PPP1R15B: variants seen among roughly 807,000 people sequenced by gnomAD.
PPP1R15B encodes protein phosphatase 1 regulatory subunit 15B.
PPP1R15B carries 31 observed loss-of-function variants against 53.9 expected under a neutral mutation model. The ratio of observed to expected loss-of-function variants is 0.58; its 90% CI spans 0.43 to 0.78. The LOEUF (loss-of-function observed/expected upper bound fraction) is 0.78. Ranked by LOEUF, PPP1R15B falls within the 30% of genes least tolerant of loss-of-function variation. PPP1R15B has a pLI of 0.00. For synonymous variants in PPP1R15B, 345 were observed against 329.1 expected (o/e 1.05, Z -0.52); for missense variants, 928 against 849.6 (o/e 1.09, Z -1.15).
rs1572256022 is a variant in PPP1R15B at position 204,409,492 on chromosome 1, C to CTTTTT, written c.1915_1919dup (p.Val641LysfsTer3). 1 of 1,602,712 alleles carries CTTTTT rather than the reference C, an allele frequency of 6.2e-7. No homozygotes were observed. The highest frequency in any genetic ancestry group is 1.3e-5 in the African/African-American group (1 of 74,340). On this transcript the variant is annotated frameshift_variant and splice_region_variant, in exon 1 of 2. Coordinates refer to ENST00000367188, the MANE Select transcript of PPP1R15B (RefSeq NM_032833.5). LOFTEE classifies it high-confidence loss of function. ...GCATGTTAAAAGACAAGAAACAAACCTTTTTTCTTTTGACATGTGTGTGTC... is the reference window on the plus strand; with the variant it reads ...GCATGTTAAAAGACAAGAAACAAACCTTTTTTTTTTTCTTTTGACATGTGTGTGTC...
Position 204,409,661 on chromosome 1 carries a change from C to T in PPP1R15B, c.1751G>A (p.Gly584Asp). 1 of 1,614,066 alleles carries T rather than the reference C, an allele frequency of 6.2e-7. No homozygotes were observed. The highest frequency in any genetic ancestry group is 8.5e-7 in the Non-Finnish European group (1 of 1,180,016). Residue 584 changes from glycine to aspartate, a missense_variant, in exon 1 of 2, where the codon GGC (glycine) becomes GAC (aspartate). Physicochemically the swap from Gly to Asp is moderately conservative, Grantham distance 94. Transcript: ENST00000367188. Reference sequence around the variant, plus strand: ...AGATGGGGTCTTTGAGTCACGACAGCCTTTCTCATTTTCCCCTGATGTTTG... The same window carrying T: ...AGATGGGGTCTTTGAGTCACGACAGTCTTTCTCATTTTCCCCTGATGTTTG... ...PFQTSGENEKGCRDSKTPSES... is the reference protein window; with the variant it reads ...PFQTSGENEKDCRDSKTPSES...
In PPP1R15B at chr1:204,411,211, G is replaced by C; in HGVS notation, c.201C>G (p.Leu67=). The change falls in exon 1 of 2, where the codon CTC becomes CTG. Residue 67 remains leucine, a synonymous_variant. Coordinates refer to ENST00000367188, the MANE Select transcript of PPP1R15B (RefSeq NM_032833.5). Reference sequence around the variant, plus strand: ...CGGGGAGCGGCGCAAGGAGCTGGGAGAGCAGTTTCGTCCAGTAACTGACCC... The same window carrying C: ...CGGGGAGCGGCGCAAGGAGCTGGGACAGCAGTTTCGTCCAGTAACTGACCC... ...ETRVSYWTKL[L]SQLLAPLPGL... 6.2e-7 allele frequency: 1 copy of C among 1,614,248 alleles called. No individual in the cohort carries two copies. The highest frequency in any genetic ancestry group is 2.2e-5 in the East Asian group (1 of 44,886).
Position 204,411,597 on chromosome 1 carries a change from G to A in PPP1R15B, c.-186C>T, listed in dbSNP as rs1674381646. 8 of 729,902 alleles carry A rather than the reference G, an allele frequency of 1.1e-5. No individual in the cohort carries two copies. Among genetic ancestry groups the A allele is most frequent in the African/African-American group, 3.5e-5 (2 of 56,460 alleles). 45.2% of individuals were successfully genotyped at this position (729,902 alleles called of 1,614,324 possible). On this transcript the variant is annotated 5_prime_UTR_variant, in exon 1 of 2. Coordinates refer to ENST00000367188, the MANE Select transcript of PPP1R15B (RefSeq NM_032833.5). ...ATGCGGCAGCGGGCGGCAGAACACA[G>A]GGAAGAACAGCCCGCGCAATAGGCG...
At chr1:204,401,278 TATG>T (rs778906832), downstream of PPP1R15B, among the ~76,000 whole-genome samples, 84 of 152,354 alleles carry the variant, frequency 5.5e-4, no homozygotes, top group South Asian at 4.8e-3. Context: ...GTATCCTCTT[TATG>T]ATACCGATTA....
rs1307888374 is a variant in PPP1R15B, at chr1:204,405,066, A to G, written c.*1026T>C. ...CAAACGTGAAAATTCAGAACTGCCC[A>G]TTTCCAATTTTACAGTGGGATCCTG... On this transcript the variant is annotated 3_prime_UTR_variant, in exon 2 of 2. Coordinates refer to ENST00000367188, the MANE Select transcript of PPP1R15B (RefSeq NM_032833.5). 1 of 985,720 alleles carries G rather than the reference A, an allele frequency of 1.0e-6. No individual in the cohort carries two copies. The highest frequency in any genetic ancestry group is 1.2e-6 in the Non-Finnish European group (1 of 829,894). The allele number at this position is 985,720 out of a possible 1,614,324, so 61.1% of individuals were successfully genotyped here. A position where few individuals can be genotyped will look rare whatever the true frequency, so the allele number is the denominator to read the frequency against.
At position 204,406,059 on chromosome 1, in the gene PPP1R15B, A is replaced by AGT; in HGVS notation, c.*31_*32dup. 1 of 1,607,980 alleles carries AGT rather than the reference A, an allele frequency of 6.2e-7. No homozygotes were observed. Among genetic ancestry groups the AGT allele is most frequent in the South Asian group, 1.1e-5 (1 of 90,850 alleles). On this transcript the variant is annotated 3_prime_UTR_variant, in exon 2 of 2. Transcript: ENST00000367188. ...AAAAGACACCTCTCAGGTAAGAGGTAGTGTATGCTAGCTAGGACTACAGGC... is the reference window on the plus strand; with the variant it reads ...AAAAGACACCTCTCAGGTAAGAGGTAGTGTGTATGCTAGCTAGGACTACAGGC...
intron 1 of PPP1R15B, 116 bp downstream of exon 1, chr1:204,409,376 T>C (rs963605262): frequency 7.8e-6 from 9 of 1,158,686 alleles, no homozygotes; most frequent in Non-Finnish European, 9.6e-6. Flanking sequence ...GTATATGAAT[T>C]TAGAGGCCTT....
Position 204,409,554 on chromosome 1 carries a change from G to A in PPP1R15B, c.1858C>T (p.Pro620Ser). ...AGAACGTCACGCTGTACCGAGTCTG[G>A]ACATTCACTTTCTTGGCTCCCCAAC... is the stretch of plus-strand genomic sequence containing the variant. ...QLLGSQESECPDSVQRDVLSG... is the reference protein window; with the variant it reads ...QLLGSQESECSDSVQRDVLSG... Residue 620 changes from proline to serine, a missense_variant, in exon 1 of 2, where the codon CCA becomes TCA. By Grantham distance (74) the Pro-to-Ser change is moderately conservative. Transcript: ENST00000367188. 1 of 1,614,136 alleles carries A rather than the reference G, an allele frequency of 6.2e-7. No individual in the cohort carries two copies. Among genetic ancestry groups the A allele is most frequent in the African/African-American group, 1.3e-5 (1 of 75,008 alleles).
chr1:204,401,259 G>A (rs889119871), downstream of PPP1R15B, among the ~76,000 whole-genome samples: 1 of 152,196 alleles, frequency 6.6e-6, no homozygotes, highest in Admixed American at 6.5e-5. Flanking sequence ...AGGGTTAGAA[G>A]AGATTTACGT....
At position 204,409,886 on chromosome 1, in the gene PPP1R15B, T is replaced by C; in HGVS notation, c.1526A>G (p.Asp509Gly). 1 of 1,614,092 alleles carries C rather than the reference T, an allele frequency of 6.2e-7. No individual in the cohort carries two copies. Among genetic ancestry groups the C allele is most frequent in the Non-Finnish European group, 8.5e-7 (1 of 1,180,012 alleles). The change falls in exon 1 of 2, where the codon GAT (aspartate) becomes GGT (glycine). Residue 509 changes from aspartate to glycine, a missense_variant. Asp to Gly is a moderately conservative substitution (Grantham distance 94, BLOSUM62 -1). Transcript: ENST00000367188. ...AARIVPEEPSDSEKDLSGKSD... is the reference protein window; with the variant it reads ...AARIVPEEPSGSEKDLSGKSD... ...CTTGCCAGACAAATCCTTCTCTGAATCAGAAGGCTCTTCAGGAACAATTCT... is the reference window on the plus strand; with the variant it reads ...CTTGCCAGACAAATCCTTCTCTGAACCAGAAGGCTCTTCAGGAACAATTCT...
Position 204,410,823 on chromosome 1 carries a change from T to G in PPP1R15B, c.589A>C (p.Asn197His). ...GAGGGCGAAGAGCCAAGTTCCCGGT[T>G]AGAGTACAGACGGGATTGAAGGCTA... ...PSSLQSRLYSNRELGSSPSGP... is the reference protein window; with the variant it reads ...PSSLQSRLYSHRELGSSPSGP... The change falls in exon 1 of 2, where the codon AAC becomes CAC. Residue 197 changes from asparagine to histidine, a missense_variant. Physicochemically the swap from Asn to His is moderately conservative, Grantham distance 68. Coordinates refer to ENST00000367188, the MANE Select transcript of PPP1R15B (RefSeq NM_032833.5). 6.2e-7 allele frequency: 1 copy of G among 1,614,196 alleles called. No homozygotes were observed. The highest frequency in any genetic ancestry group is 1.1e-5 in the South Asian group (1 of 91,090).
rs1674215433 is a variant in PPP1R15B, at chr1:204,403,601, T to TA, written c.*2490dup. 2 of 985,106 alleles carry TA rather than the reference T, an allele frequency of 2.0e-6. No homozygotes were observed. The highest frequency in any genetic ancestry group is 1.2e-6 in the Non-Finnish European group (1 of 829,346). 61.0% of individuals were successfully genotyped at this position (985,106 alleles called of 1,614,324 possible). A position where few individuals can be genotyped will look rare whatever the true frequency, so the allele number is the denominator to read the frequency against. On this transcript the variant is annotated 3_prime_UTR_variant, in exon 2 of 2. Coordinates refer to ENST00000367188, the MANE Select transcript of PPP1R15B (RefSeq NM_032833.5). ...TTTCAAGTTAAAGATGAAGAAGTGT[T>TA]ACATTTCATCACTCAGAAATGGAAC...
At chr1:204,409,046 CTT>C in intron 1 of PPP1R15B, among the ~76,000 whole-genome samples, 1 of 152,282 alleles carries the variant, frequency 6.6e-6, no homozygotes, top group African/African-American at 2.4e-5. Context: ...TGAAGACACT[CTT>C]GTTATATGCA....
rs775640795 is a variant in PPP1R15B at position 204,411,221 on chromosome 1, G to T, written c.191C>A (p.Thr64Lys). The change falls in exon 1 of 2, where the codon ACG becomes AAG. Residue 64 changes from threonine (T) to lysine (K), a missense_variant. Physicochemically the swap from Thr to Lys is moderately conservative, Grantham distance 78 (BLOSUM62 -1). Transcript: ENST00000367188. Reference sequence around the variant, plus strand: ...CGCAAGGAGCTGGGAGAGCAGTTTCGTCCAGTAACTGACCCGAGTCTCGGG... The same window carrying T: ...CGCAAGGAGCTGGGAGAGCAGTTTCTTCCAGTAACTGACCCGAGTCTCGGG... ...AQPETRVSYW[T>K]KLLSQLLAPL... 4 of 1,614,258 alleles carry T rather than the reference G, an allele frequency of 2.5e-6. No homozygotes were observed. In the South Asian group the frequency reaches 4.4e-5, roughly 18 times the overall value.
chr1:204,409,493 T>A lies in PPP1R15B; in HGVS notation c.1919A>T (p.Lys640Met). 6.2e-6 allele frequency: 10 copies of A among 1,603,864 alleles called. No individual in the cohort carries two copies. Among genetic ancestry groups the A allele is most frequent in the Non-Finnish European group, 7.7e-6 (9 of 1,175,620 alleles). ...CATGTTAAAAGACAAGAAACAAACC[T>A]TTTTTCTTTTGACATGTGTGTGTCT... Reference protein sequence around the residue: ...GGRHTHVKRKKVTFLEEVTEY... With the variant: ...GGRHTHVKRKMVTFLEEVTEY... The change falls in exon 1 of 2, where the codon AAG becomes ATG. Residue 640 changes from lysine to methionine, a missense_variant and splice_region_variant. Transcript: ENST00000367188.
intron 1 of PPP1R15B, among the ~76,000 whole-genome samples, chr1:204,406,749 T>C (rs1674271100): frequency 1.5e-5 from 1 of 68,278 alleles, no homozygotes; most frequent in Non-Finnish European, 4.7e-5. Context: ...CAAAACTCTG[T>C]CTCAAAAAAA....
downstream of PPP1R15B, among the ~76,000 whole-genome samples, chr1:204,402,982 G>T (rs1674202563): frequency 6.6e-6 from 1 of 152,118 alleles, no homozygotes; most frequent in South Asian, 2.1e-4. Context: ...TGAGGCAGGA[G>T]AATCGCTTGA....
chr1:204,399,346 A>G (rs1224115575), downstream of PPP1R15B, among the ~76,000 whole-genome samples: 1 of 152,160 alleles, frequency 6.6e-6, no homozygotes, highest in African/African-American at 2.4e-5. Flanking sequence ...GCAGCTCATG[A>G]GCCCAAGAGT....
chr1:204,411,263 A>G lies in PPP1R15B; in HGVS notation c.149T>C (p.Leu50Pro). 6.2e-7 allele frequency: 1 copy of G among 1,614,224 alleles called. No homozygotes were observed. Among genetic ancestry groups the G allele is most frequent in the Non-Finnish European group, 8.5e-7 (1 of 1,180,036 alleles). The change falls in exon 1 of 2, where the codon CTG becomes CCG. Residue 50 changes from leucine to proline, a missense_variant. Coordinates refer to ENST00000367188, the MANE Select transcript of PPP1R15B (RefSeq NM_032833.5). ...AGTCTCGGGCTGGGCAGAGGAAAGC[A>G]GTGTGGGGTTCCCGGAGTTTTCCGG... ...LGPENSGNPT[L>P]LSSAQPETRV...
Sources: gnomAD v4.1 joint callset for allele counts (sites outside exome capture counted in the v4.1 genomes callset) on GRCh38, gnomAD v4.1.1 for gene constraint, MANE v1.5 for transcripts, NCBI Gene and HGNC (gene_info 2026-07-23, HGNC 2026-07-21) for gene names.